The following TBC1D19 variants were observed in gnomAD, a reference collection of about 807,000 sequenced individuals.
TBC1D19 encodes TBC1 domain family member 19, also known as TBC1 domain family, member 19.
In TBC1D19, 60 loss-of-function variants were observed where a neutral mutation model predicts 89.0. The observed-to-expected ratio is 0.67, with a 90% confidence interval of 0.55 to 0.84. TBC1D19 has a LOEUF of 0.84. Among genes scored for constraint, TBC1D19 ranks in the 40% least tolerant of loss-of-function variants. TBC1D19 has a pLI of 0.00. For missense variants in TBC1D19, 500 were observed against 610.8 expected (o/e 0.82, Z 1.91); for synonymous variants, 189 against 199.7 (o/e 0.95, Z 0.45).
the TBC1D19 span, among the ~76,000 whole-genome samples, chr4:26,831,390 G>T: frequency 6.6e-6 from 1 of 152,190 alleles, no homozygotes; most frequent in East Asian, 1.9e-4. Context: ...GATCTCTGCG[G>T]CAACTACACA....
At chr4:26,655,628 G>A (rs1021818222) in intron 7 of TBC1D19, among the ~76,000 whole-genome samples, 2 of 151,996 alleles carry the variant, frequency 1.3e-5, no homozygotes, top group Admixed American at 6.5e-5. Context: ...AGACTGCTGT[G>A]CTAGCAATGA....
chr4:26,705,055 T>C (rs1715635465), intron 13 of TBC1D19, among the ~76,000 whole-genome samples: 1 of 152,166 alleles, frequency 6.6e-6, no homozygotes, highest in Non-Finnish European at 1.5e-5. Flanking sequence ...CATTAACCAT[T>C]TATATATCTA....
the TBC1D19 span, among the ~76,000 whole-genome samples, chr4:26,787,206 A>G: frequency 4.5e-3 from 670 of 150,084 alleles, 8 homozygotes; most frequent in African/African-American, 0.016. Flanking sequence ...GAGCTCAAGC[A>G]TTCTCATGCC....
intron 1 of TBC1D19, among the ~76,000 whole-genome samples, chr4:26,591,232 T>G (rs1739777495): frequency 6.6e-6 from 1 of 151,352 alleles, no homozygotes; most frequent in Non-Finnish European, 1.5e-5. Context: ...TGATAGCTGA[T>G]TTTTTTTTCT....
intron 7 of TBC1D19, among the ~76,000 whole-genome samples, chr4:26,652,902 T>C (rs568114224): frequency 6.6e-6 from 1 of 152,288 alleles, no homozygotes; most frequent in South Asian, 2.1e-4. Context: ...TTTCTTGCCT[T>C]CGGCTAGCTT....
intron 9 of TBC1D19, among the ~76,000 whole-genome samples, chr4:26,667,091 T>C (rs977133310): frequency 6.6e-6 from 1 of 152,000 alleles, no homozygotes; most frequent in Non-Finnish European, 1.5e-5. Context: ...ATAATAGCAA[T>C]ATTACATAAT....
At chr4:26,843,105 A>C in the TBC1D19 span, among the ~76,000 whole-genome samples, 1 of 152,228 alleles carries the variant, frequency 6.6e-6, no homozygotes, top group African/African-American at 2.4e-5. Context: ...CATGGAGAAG[A>C]AAAGGGGAAG....
the TBC1D19 span, among the ~76,000 whole-genome samples, chr4:26,842,616 C>CT: frequency 8.1e-6 from 1 of 122,954 alleles, no homozygotes; most frequent in Admixed American, 9.8e-5. Flanking sequence ...TTCTTTCTTT[C>CT]TTTCTTTCTT....
At chr4:26,778,750 T>G in the TBC1D19 span, among the ~76,000 whole-genome samples, 2 of 152,190 alleles carry the variant, frequency 1.3e-5, no homozygotes, top group Non-Finnish European at 2.9e-5. Context: ...GAATCTCAGT[T>G]GCTCCAGTCC....
chr4:26,747,510 A>G (rs1363406179), intron 18 of TBC1D19, among the ~76,000 whole-genome samples: 1 of 152,192 alleles, frequency 6.6e-6, no homozygotes, highest in African/African-American at 2.4e-5. Flanking sequence ...AATTAATACA[A>G]TGACACCAAC....
At chr4:26,821,187 C>T in the TBC1D19 span, among the ~76,000 whole-genome samples, 13 of 152,312 alleles carry the variant, frequency 8.5e-5, no homozygotes, top group Non-Finnish European at 1.3e-4. Flanking sequence ...GGGTCTCACC[C>T]CACATCTTAG....
rs111751443 is a variant in TBC1D19, at chr4:26,678,271, G to T, written c.816+4383G>T. On this transcript the variant is annotated intron_variant, in intron 11 of 20. Transcript: ENST00000264866. ...TTAGCAAAGAGACTGGCAGCATTTTGTCCCTGCCCTAGAGATCTGTGTAAC... is the reference window on the plus strand; with the variant it reads ...TTAGCAAAGAGACTGGCAGCATTTTTTCCCTGCCCTAGAGATCTGTGTAAC... Among the ~76,000 whole-genome samples the T allele has an allele frequency of 1.8e-3, 279 of 152,316 alleles. 2 individuals are homozygous for T. The highest frequency in any genetic ancestry group is 6.4e-3 in the African/African-American group (264 of 41,562).
At chr4:26,683,422 C>T (rs1447052221) in intron 11 of TBC1D19, among the ~76,000 whole-genome samples, 1 of 152,092 alleles carries the variant, frequency 6.6e-6, no homozygotes, top group African/African-American at 2.4e-5. Context: ...ACTGTATTTG[C>T]TATTAAAGTT....
chr4:26,719,336 C>A (rs929705254), intron 14 of TBC1D19, among the ~76,000 whole-genome samples: 5 of 151,928 alleles, frequency 3.3e-5, no homozygotes, highest in Non-Finnish European at 5.9e-5. Context: ...TCTCTGTCAC[C>A]ACCCCTAACA....
intron 7 of TBC1D19, among the ~76,000 whole-genome samples, 194 bp downstream of exon 7, chr4:26,640,381 T>C (rs1269822977): frequency 1.3e-5 from 2 of 152,146 alleles, no homozygotes; most frequent in Admixed American, 6.5e-5. Context: ...AAGATTAGCA[T>C]TGAGTAAATC....
rs569331300 is a variant in TBC1D19, at chr4:26,595,141, G to T, written c.99+10849G>T. On this transcript the variant is annotated intron_variant, in intron 1 of 20. Coordinates refer to ENST00000264866, the MANE Select transcript of TBC1D19 (RefSeq NM_018317.4). Reference sequence around the variant, plus strand: ...TTTTGGATTTTAGCCATCTTAATGTGTGTTGTGATATCTTATTATTTTAAT... The same window carrying T: ...TTTTGGATTTTAGCCATCTTAATGTTTGTTGTGATATCTTATTATTTTAAT... Among the ~76,000 whole-genome samples, 6 of 152,284 alleles carry T rather than the reference G, an allele frequency of 3.9e-5. No homozygotes were observed. In the East Asian group the frequency reaches 1.2e-3, roughly 29 times the overall value.
At chr4:26,815,413 T>C in the TBC1D19 span, among the ~76,000 whole-genome samples, 1 of 152,264 alleles carries the variant, frequency 6.6e-6, no homozygotes, top group African/African-American at 2.4e-5. Flanking sequence ...TTCCTCTTAC[T>C]ACCACAAAAC....
the TBC1D19 span, among the ~76,000 whole-genome samples, chr4:26,852,497 C>T: frequency 3.3e-5 from 5 of 152,172 alleles, no homozygotes; most frequent in African/African-American, 1.2e-4. Context: ...GTCAAGGCTG[C>T]AGTGAGCTGT....
rs1158007140 is a variant in TBC1D19 at position 26,756,133 on chromosome 4, GA to G, written c.*1191del. 6.6e-6 allele frequency among the ~76,000 whole-genome samples: 1 copy of G among 152,102 alleles called. No individual in the cohort carries two copies. Among genetic ancestry groups the G allele is most frequent in the Non-Finnish European group, 1.5e-5 (1 of 68,006 alleles). On this transcript the variant is annotated 3_prime_UTR_variant, in exon 21 of 21. Coordinates refer to ENST00000264866, the MANE Select transcript of TBC1D19 (RefSeq NM_018317.4). ...CTTTTATTTTGGCAGTATGTATTAG[GA>G]AAAATGCTTGTTGATTTACTAAGAG...
Sources: gnomAD v4.1 joint callset for allele counts (sites outside exome capture counted in the v4.1 genomes callset) on GRCh38, gnomAD v4.1.1 for gene constraint, MANE v1.5 for transcripts, NCBI Gene and HGNC (gene_info 2026-07-23, HGNC 2026-07-21) for gene names.